Variants in TMEM132D observed in about 807,000 individuals in gnomAD.
The protein encoded by TMEM132D is mature OL transmembrane protein.
A neutral mutation model predicts 62.3 loss-of-function variants in TMEM132D; 21 were observed. The ratio of observed to expected loss-of-function variants is 0.34; its 90% CI spans 0.24 to 0.49. The LOEUF is 0.49. Ranked by LOEUF, TMEM132D falls within the 20% of genes least tolerant of loss-of-function variation. The pLI, the probability that TMEM132D is intolerant of heterozygous loss-of-function variation, is 0.99. For synonymous variants in TMEM132D, 621 were observed against 575.6 expected (o/e 1.08, Z -1.13); for missense variants, 1,346 against 1,402.8 (o/e 0.96, Z 0.65).
At chr12:129,223,341 C>T (rs1265021856) in intron 4 of TMEM132D, among the ~76,000 whole-genome samples, 1 of 152,130 alleles carries the variant, frequency 6.6e-6, no homozygotes, top group Non-Finnish European at 1.5e-5. Flanking sequence ...GGCACTTGCT[C>T]TTGGAACTCA....
chr12:129,101,870 T>G (rs928261118), intron 5 of TMEM132D, among the ~76,000 whole-genome samples: 1 of 152,158 alleles, frequency 6.6e-6, no homozygotes, highest in Non-Finnish European at 1.5e-5. Flanking sequence ...TAAAAACAAT[T>G]AGATGCAAAC....
chr12:129,543,303 T>A (rs1420554918), intron 2 of TMEM132D, among the ~76,000 whole-genome samples: 1 of 46,942 alleles, frequency 2.1e-5, no homozygotes, highest in Non-Finnish European at 4.0e-5. Context: ...GGTGGGTGGG[T>A]GGATGGATAG....
intron 3 of TMEM132D, among the ~76,000 whole-genome samples, chr12:129,406,504 C>T (rs1319907907): frequency 6.6e-6 from 1 of 151,878 alleles, no homozygotes; most frequent in Non-Finnish European, 1.5e-5. Flanking sequence ...CCTGTAATCC[C>T]AGCTACTCGG....
At chr12:129,473,569 G>A (rs960877622) in intron 3 of TMEM132D, among the ~76,000 whole-genome samples, 1 of 152,006 alleles carries the variant, frequency 6.6e-6, no homozygotes, top group Non-Finnish European at 1.5e-5. Context: ...GGCCTGCAGT[G>A]ATCTGCCCGC....
chr12:129,339,688 G>A (rs955010417), intron 3 of TMEM132D, among the ~76,000 whole-genome samples: 2 of 152,122 alleles, frequency 1.3e-5, no homozygotes, highest in African/African-American at 2.4e-5. Context: ...ATGCACCTTC[G>A]TTTTTGTATT....
intron 2 of TMEM132D, among the ~76,000 whole-genome samples, chr12:129,597,904 G>A (rs1878380199): frequency 6.6e-6 from 1 of 152,080 alleles, no homozygotes; most frequent in African/African-American, 2.4e-5. Context: ...GGGGTGGATG[G>A]GGTGATGGGT....
At chr12:129,598,578 T>G (rs989746399) in intron 2 of TMEM132D, among the ~76,000 whole-genome samples, 2 of 151,902 alleles carry the variant, frequency 1.3e-5, no homozygotes, top group Non-Finnish European at 2.9e-5. Flanking sequence ...TCCTAATAAA[T>G]AAAAGCCAAA....
chr12:129,738,015 C>G (rs1869483195), intron 1 of TMEM132D, among the ~76,000 whole-genome samples: 1 of 152,212 alleles, frequency 6.6e-6, no homozygotes, highest in South Asian at 2.1e-4. Context: ...CATCATGCAA[C>G]AAAGTCCACA....
chr12:129,803,675 G>A (rs1397341931), intron 1 of TMEM132D, among the ~76,000 whole-genome samples: 2 of 151,046 alleles, frequency 1.3e-5, no homozygotes, highest in African/African-American at 2.4e-5. Context: ...CAGAAGGCAA[G>A]AAATAACTAA....
At chr12:129,189,992 G>A (rs532259447) in intron 5 of TMEM132D, among the ~76,000 whole-genome samples, 22 of 152,282 alleles carry the variant, frequency 1.4e-4, no homozygotes, top group African/African-American at 5.3e-4. Context: ...GAATCAGAGG[G>A]AGGTGAGACT....
chr12:129,288,737 C>A (rs977593194), intron 4 of TMEM132D, among the ~76,000 whole-genome samples: 1 of 152,126 alleles, frequency 6.6e-6, no homozygotes, highest in Non-Finnish European at 1.5e-5. Flanking sequence ...AGGTATTTAT[C>A]CAAAATAATG....
chr12:129,860,043 T>G (rs1475670322), intron 1 of TMEM132D, among the ~76,000 whole-genome samples: 1 of 152,186 alleles, frequency 6.6e-6, no homozygotes, highest in Admixed American at 6.6e-5. Context: ...AAAATGTGCA[T>G]TTATACTTTC....
intron 1 of TMEM132D, among the ~76,000 whole-genome samples, chr12:129,747,851 G>GAC (rs539892119): frequency 0.054 from 4,688 of 86,362 alleles, 240 homozygotes; most frequent in African/African-American, 0.15. Flanking sequence ...GACACACACA[G>GAC]ACACACACAC....
intron 1 of TMEM132D, among the ~76,000 whole-genome samples, chr12:129,833,923 G>A (rs916832608): frequency 6.6e-6 from 1 of 151,842 alleles, no homozygotes; most frequent in South Asian, 2.1e-4. Context: ...CAAGCATGTC[G>A]CATATGAGCA....
At chr12:129,673,092 C>T (rs902627072) in intron 2 of TMEM132D, among the ~76,000 whole-genome samples, 1 of 152,190 alleles carries the variant, frequency 6.6e-6, no homozygotes, top group Non-Finnish European at 1.5e-5. Context: ...GTAGCCACTA[C>T]CACAGTCAGG....
chr12:129,626,417 A>G (rs1423875933), intron 2 of TMEM132D, among the ~76,000 whole-genome samples: 1 of 152,114 alleles, frequency 6.6e-6, no homozygotes, highest in Non-Finnish European at 1.5e-5. Context: ...TGTGTACAGT[A>G]TTTGCATACT....
At chr12:129,146,947 C>T (rs886440976) in intron 5 of TMEM132D, among the ~76,000 whole-genome samples, 3 of 152,056 alleles carry the variant, frequency 2.0e-5, no homozygotes, top group Admixed American at 6.5e-5. Context: ...ACACGGTGAA[C>T]GCGTGGGCAT....
At chr12:129,227,747 A>G (rs1236341589) in intron 4 of TMEM132D, among the ~76,000 whole-genome samples, 2 of 151,542 alleles carry the variant, frequency 1.3e-5, no homozygotes, top group Non-Finnish European at 2.9e-5. Flanking sequence ...ATCCCTCCCC[A>G]CTACCCCCAC....
chr12:129,735,868 C>T (rs1181238594), intron 1 of TMEM132D, among the ~76,000 whole-genome samples: 1 of 152,128 alleles, frequency 6.6e-6, no homozygotes, highest in Non-Finnish European at 1.5e-5. Context: ...CCTTATAGAC[C>T]TATAAAGATC....
Sources: gnomAD v4.1 joint callset for allele counts (sites outside exome capture counted in the v4.1 genomes callset) on GRCh38, gnomAD v4.1.1 for gene constraint, MANE v1.5 for transcripts, NCBI Gene and HGNC (gene_info 2026-07-23, HGNC 2026-07-21) for gene names.